Variants in TAFA1 observed in about 807,000 individuals in gnomAD.
TAFA1 encodes TAFA chemokine like family member 1.
A neutral mutation model predicts 18.5 loss-of-function variants in TAFA1; 4 were observed. The ratio of observed to expected loss-of-function variants is 0.22; its 90% CI spans 0.11 to 0.49. TAFA1 has a LOEUF of 0.49. Among genes scored for constraint, TAFA1 ranks in the 20% least tolerant of loss-of-function variants. The probability of loss-of-function intolerance (pLI) is 0.98; values close to 1 mark genes in which losing one functional copy is unlikely to be tolerated. For missense variants in TAFA1, 147 were observed against 169.0 expected (o/e 0.87, Z 0.72); for synonymous variants, 56 against 55.2 (o/e 1.01, Z -0.06).
intron 2 of TAFA1, among the ~76,000 whole-genome samples, chr3:68,151,596 C>T (rs982619765): frequency 6.6e-6 from 1 of 152,124 alleles, no homozygotes; most frequent in Non-Finnish European, 1.5e-5. Context: ...AGCTTGAGAA[C>T]TGAGAAAAGG....
intron 2 of TAFA1, chr3:68,145,048 G>C: frequency 1.2e-6 from 2 of 1,608,472 alleles, no homozygotes; most frequent in South Asian, 2.2e-5. Flanking sequence ...GTTTCAAAAA[G>C]TTGCTGGATC....
In TAFA1 at chr3:68,284,034, A is replaced by G. The variant is rs17047436; in HGVS notation, c.119-133246A>G. Among the ~76,000 whole-genome samples, 238 of 152,302 alleles carry G rather than the reference A, an allele frequency of 1.6e-3. 11 individuals carry two copies. The East Asian group carries it at 0.044, about 28-fold the overall frequency. On this transcript the variant is annotated intron_variant, in intron 2 of 4. Coordinates refer to ENST00000478136, the MANE Select transcript of TAFA1 (RefSeq NM_213609.4). ...CTTATGATGTTATCTGCAGCTGACCAGGTTGTCATTAGGCTTTTGATATTG... is the reference window on the plus strand; with the variant it reads ...CTTATGATGTTATCTGCAGCTGACCGGGTTGTCATTAGGCTTTTGATATTG...
At chr3:68,361,197 A>G (rs1040187105) in intron 2 of TAFA1, among the ~76,000 whole-genome samples, 1 of 152,072 alleles carries the variant, frequency 6.6e-6, no homozygotes, top group Non-Finnish European at 1.5e-5. Flanking sequence ...ATGCAGCAAC[A>G]TTGATGGAAC....
chr3:68,469,169 T>G (rs2071947118), intron 3 of TAFA1, among the ~76,000 whole-genome samples: 1 of 151,444 alleles, frequency 6.6e-6, no homozygotes. Flanking sequence ...TTTAAAACAT[T>G]TTATAAATAT....
At chr3:68,098,075 C>G (rs767707826) in intron 2 of TAFA1, among the ~76,000 whole-genome samples, 2 of 152,118 alleles carry the variant, frequency 1.3e-5, no homozygotes, top group African/African-American at 4.8e-5. Flanking sequence ...ATACCTGTAG[C>G]TACTGTTGAC....
intron 3 of TAFA1, among the ~76,000 whole-genome samples, chr3:68,464,719 A>G (rs889670345): frequency 6.6e-6 from 1 of 152,172 alleles, no homozygotes; most frequent in Non-Finnish European, 1.5e-5. Context: ...TTAAAAAGTA[A>G]TGTAGCCAAT....
At chr3:68,200,996 A>G (rs192504633) in intron 2 of TAFA1, among the ~76,000 whole-genome samples, 1 of 151,752 alleles carries the variant, frequency 6.6e-6, no homozygotes. Flanking sequence ...CATTCAATAT[A>G]TGCATTCAAT....
At chr3:68,254,823 T>C (rs1213950014) in intron 2 of TAFA1, among the ~76,000 whole-genome samples, 1 of 152,110 alleles carries the variant, frequency 6.6e-6, no homozygotes, top group African/African-American at 2.4e-5. Flanking sequence ...AGTAATGAGA[T>C]TGTTTGATTG....
rs183278881 is a variant in TAFA1, at chr3:68,444,752, C to T, written c.259+27332C>T. On this transcript the variant is annotated intron_variant, in intron 3 of 4. Transcript: ENST00000478136. ...TTTTAGACCAGCCTGGGCAACACAG[C>T]GAGACCTTGTTTCTACAAAATATAT... Among the ~76,000 whole-genome samples the T allele has an allele frequency of 3.4e-3, 448 of 131,120 alleles. 3 individuals carry two copies. Among genetic ancestry groups the T allele is most frequent in the African/African-American group, 0.011 (421 of 36,896 alleles). 86.0% of individuals were successfully genotyped at this position (131,120 alleles called of 152,430 possible).
At chr3:68,252,915 G>T (rs370581898) in intron 2 of TAFA1, among the ~76,000 whole-genome samples, 1 of 152,124 alleles carries the variant, frequency 6.6e-6, no homozygotes, top group East Asian at 1.9e-4. Flanking sequence ...AGTCTCATGA[G>T]CTCTGATGGT....
chr3:68,165,081 A>C (rs1286852616), intron 2 of TAFA1, among the ~76,000 whole-genome samples: 4 of 152,238 alleles, frequency 2.6e-5, no homozygotes, highest in Non-Finnish European at 4.4e-5. Context: ...AGGGACAGCA[A>C]CCCAAAAGAG....
chr3:68,311,537 A>C (rs2068516305), intron 2 of TAFA1, among the ~76,000 whole-genome samples: 1 of 152,252 alleles, frequency 6.6e-6, no homozygotes, highest in Admixed American at 6.5e-5. Flanking sequence ...CAAAGGGGCT[A>C]CAAGCCCCAT....
chr3:68,510,312 T>A (rs2072826254), intron 3 of TAFA1, among the ~76,000 whole-genome samples: 1 of 152,132 alleles, frequency 6.6e-6, no homozygotes, highest in African/African-American at 2.4e-5. Context: ...TTAGAGCACC[T>A]CAAGGGAAGG....
At chr3:68,478,822 T>C (rs532978509) in intron 3 of TAFA1, among the ~76,000 whole-genome samples, 2 of 152,020 alleles carry the variant, frequency 1.3e-5, no homozygotes, top group African/African-American at 2.4e-5. Context: ...TCTATATTTC[T>C]ATATTATTAA....
At chr3:68,070,490 A>G (rs1575600514) in intron 2 of TAFA1, among the ~76,000 whole-genome samples, 1 of 152,240 alleles carries the variant, frequency 6.6e-6, no homozygotes, top group South Asian at 2.1e-4. Flanking sequence ...ACGGGCTGCC[A>G]TGAAGACCTC....
At chr3:68,253,262 A>C (rs148282528) in intron 2 of TAFA1, among the ~76,000 whole-genome samples, 1 of 152,152 alleles carries the variant, frequency 6.6e-6, no homozygotes, top group African/African-American at 2.4e-5. Flanking sequence ...TATAATTCCC[A>C]CTGTATACCA....
At chr3:68,339,563 T>C (rs1475300209) in intron 2 of TAFA1, among the ~76,000 whole-genome samples, 1 of 152,218 alleles carries the variant, frequency 6.6e-6, no homozygotes, top group East Asian at 1.9e-4. Context: ...AAAAGCTCTT[T>C]TGATGCTTTA....
chr3:68,276,717 T>G (rs1312164108), intron 2 of TAFA1, among the ~76,000 whole-genome samples: 2 of 152,164 alleles, frequency 1.3e-5, no homozygotes, highest in African/African-American at 2.4e-5. Context: ...AGAGTAAACC[T>G]CCTTTATCAT....
intron 2 of TAFA1, among the ~76,000 whole-genome samples, chr3:68,112,112 T>C (rs1317825711): frequency 6.6e-6 from 1 of 151,554 alleles, no homozygotes; most frequent in Non-Finnish European, 1.5e-5. Context: ...AATGCTATAC[T>C]CATATAGAGA....
Sources: allele counts gnomAD v4.1 joint callset (sites outside exome capture counted in the v4.1 genomes callset), GRCh38; gene constraint gnomAD v4.1.1; transcripts MANE v1.5; gene names NCBI Gene and HGNC (gene_info 2026-07-23, HGNC 2026-07-21).